YIPF4: variants seen among roughly 807,000 people sequenced by gnomAD.
The protein encoded by YIPF4 is protein YIPF4.
YIPF4 carries 18 observed loss-of-function variants against 29.4 expected under a neutral mutation model. That is an observed-to-expected ratio of 0.61 (90% CI 0.42 to 0.91). The LOEUF is 0.91. Among genes scored for constraint, YIPF4 ranks in the 40% least tolerant of loss-of-function variants. The pLI, the probability that YIPF4 is intolerant of heterozygous loss-of-function variation, is 0.00. For missense variants in YIPF4, 279 were observed against 282.7 expected (o/e 0.99, Z 0.09); for synonymous variants, 115 against 104.7 (o/e 1.10, Z -0.60).
Position 32,311,268 on chromosome 2 carries a change from G to A in YIPF4, c.*5642G>A, listed in dbSNP as rs938282176. 2.0e-5 allele frequency: 3 copies of A among 152,122 alleles called. No homozygotes were observed. Among genetic ancestry groups the A allele is most frequent in the Admixed American group, 6.6e-5 (1 of 15,266 alleles). The allele number at this position is 152,122 out of a possible 1,614,324, so 9.4% of individuals were successfully genotyped here. ...AAACCATGTCTTTCTGGGTTGTAGT[G>A]ATTAAAAAATGGTTAAGAGAATGTT... On this transcript the variant is annotated 3_prime_UTR_variant, in exon 6 of 6. Coordinates refer to ENST00000238831, the MANE Select transcript of YIPF4 (RefSeq NM_032312.4).
rs755619019 is a variant in YIPF4, at chr2:32,305,663, A to G, written c.*37A>G. On this transcript the variant is annotated 3_prime_UTR_variant, in exon 6 of 6. Transcript: ENST00000238831. ...CATGAATAGAAAAAGATGGTGTTAA[A>G]TTTGTGTGTAGGCTGGGAATTCTTG... is the stretch of plus-strand genomic sequence containing the variant. 7 of 1,455,920 alleles carry G rather than the reference A, an allele frequency of 4.8e-6. No individual in the cohort carries two copies. In the Admixed American group the frequency reaches 1.1e-4, roughly 24 times the overall value. The allele number at this position is 1,455,920 out of a possible 1,614,324, so 90.2% of individuals were successfully genotyped here.
Position 32,290,487 on chromosome 2 carries a change from C to T in YIPF4, c.84C>T (p.Leu28=), listed in dbSNP as rs778454657. The T allele has an allele frequency of 6.5e-6, 10 of 1,534,524 alleles. No individual in the cohort carries two copies. The highest frequency in any genetic ancestry group is 8.8e-6 in the Non-Finnish European group (10 of 1,141,696). ...TFVSSADAED[L]SGSIASPDVK... ...TTTATCCTCTTTTCTCCTAAGATCT[C>T]AGTGGTTCAATAGCATCCCCAGATG... Residue 28 remains leucine (L), a synonymous_variant, in exon 2 of 6, where the codon CTC becomes CTT. Coordinates refer to ENST00000238831, the MANE Select transcript of YIPF4 (RefSeq NM_032312.4).
intron 1 of YIPF4, among the ~76,000 whole-genome samples, chr2:32,281,424 T>C (rs2030409003): frequency 6.6e-6 from 1 of 152,108 alleles, no homozygotes; most frequent in African/African-American, 2.4e-5. Context: ...GTATTTTTTG[T>C]AGAGACAGGG....
rs1345446101 is a variant in YIPF4, at chr2:32,307,970, G to A, written c.*2344G>A. 7.0e-6 allele frequency: 1 copy of A among 142,768 alleles called. No individual in the cohort carries two copies. Among genetic ancestry groups the A allele is most frequent in the African/African-American group, 2.6e-5 (1 of 38,926 alleles). The allele number at this position is 142,768 out of a possible 1,614,324, so 8.8% of individuals were successfully genotyped here. A position where few individuals can be genotyped will look rare whatever the true frequency, so the allele number is the denominator to read the frequency against. ...AAAAAAAAAACCATGATTTGTAGAT[G>A]TGTGCAAGACACAGTACTGCTATGG... On this transcript the variant is annotated 3_prime_UTR_variant, in exon 6 of 6. Coordinates refer to ENST00000238831, the MANE Select transcript of YIPF4 (RefSeq NM_032312.4).
intron 5 of YIPF4, among the ~76,000 whole-genome samples, chr2:32,305,027 TAG>T: frequency 6.6e-6 from 1 of 152,154 alleles, no homozygotes; most frequent in East Asian, 1.9e-4. Flanking sequence ...TTTTCTTATT[TAG>T]AAGGAAAAGG....
rs2031627636 is a variant in YIPF4 at position 32,307,926 on chromosome 2, CTCA to C, written c.*2301_*2303del. On this transcript the variant is annotated 3_prime_UTR_variant, in exon 6 of 6. Transcript: ENST00000238831. ...AGCCTGGGTAACAGAGCAAGACTCTCTCAAAAAAAAAAAAAAAAAAAAAAAAAA... is the reference window on the plus strand; with the variant it reads ...AGCCTGGGTAACAGAGCAAGACTCTCAAAAAAAAAAAAAAAAAAAAAAAAA... 1.8e-5 allele frequency: 1 copy of C among 54,164 alleles called. No homozygotes were observed. The highest frequency in any genetic ancestry group is 3.1e-5 in the Non-Finnish European group (1 of 32,284). The allele number at this position is 54,164 out of a possible 1,614,324, so 3.4% of individuals were successfully genotyped here. A position where few individuals can be genotyped will look rare whatever the true frequency, so the allele number is the denominator to read the frequency against.
chr2:32,309,681 C>CTTTTT lies in YIPF4; in HGVS notation c.*4076_*4080dup, dbSNP rs200229465. ...TTTTAGGCTTTAGGGAATTGTGACC[C>CTTTTT]TTTTTTTTTTTTTTTTTTTTTTTTT... On this transcript the variant is annotated 3_prime_UTR_variant, in exon 6 of 6. Transcript: ENST00000238831. 1.7e-4 allele frequency: 20 copies of CTTTTT among 116,268 alleles called. No individual in the cohort carries two copies. Among genetic ancestry groups the CTTTTT allele is most frequent in the African/African-American group, 3.5e-4 (10 of 28,824 alleles). 7.2% of individuals were successfully genotyped at this position (116,268 alleles called of 1,614,324 possible).
At chr2:32,302,961 G>A (rs1036237516) in intron 5 of YIPF4, among the ~76,000 whole-genome samples, 1 of 151,938 alleles carries the variant, frequency 6.6e-6, no homozygotes, top group Non-Finnish European at 1.5e-5. Context: ...CCCTGGTTCT[G>A]CCACTTACTT....
chr2:32,284,497 A>T (rs2030568590), intron 1 of YIPF4, among the ~76,000 whole-genome samples: 1 of 152,034 alleles, frequency 6.6e-6, no homozygotes, highest in Non-Finnish European at 1.5e-5. Context: ...CTGGTTTTTT[A>T]AAAGGGTGTA....
At chr2:32,296,957 G>A (rs1036997959) in intron 3 of YIPF4, among the ~76,000 whole-genome samples, 1 of 151,794 alleles carries the variant, frequency 6.6e-6, no homozygotes, top group Non-Finnish European at 1.5e-5. Flanking sequence ...TTATTTCATC[G>A]CTCAGATTTT....
intron 1 of YIPF4, among the ~76,000 whole-genome samples, chr2:32,283,784 C>A (rs1294252498): frequency 6.6e-6 from 1 of 150,886 alleles, no homozygotes; most frequent in Non-Finnish European, 1.5e-5. Context: ...ATGGCGCAAT[C>A]TTGGCTCATT....
Position 32,297,646 on chromosome 2 carries a change from G to A in YIPF4, c.406-588G>A, listed in dbSNP as rs535995127. On this transcript the variant is annotated intron_variant, in intron 3 of 5. Coordinates refer to ENST00000238831, the MANE Select transcript of YIPF4 (RefSeq NM_032312.4). ...TGACCAAATAACATAGCAAGACCTC[G>A]TCTCTATTAAATAAATACATAAATA... Among the ~76,000 whole-genome samples, 7 of 151,688 alleles carry A rather than the reference G, an allele frequency of 4.6e-5. No homozygotes were observed. The East Asian group carries it at 7.8e-4, about 17-fold the overall frequency.
At chr2:32,300,198 G>A (rs768376436) in intron 4 of YIPF4, among the ~76,000 whole-genome samples, 1 of 152,118 alleles carries the variant, frequency 6.6e-6, no homozygotes, top group Non-Finnish European at 1.5e-5. Flanking sequence ...CCCGGGAGGC[G>A]GAGGTTGTGG....
In YIPF4 at chr2:32,309,273, A is replaced by G. The variant is rs1164919674; in HGVS notation, c.*3647A>G. Reference sequence around the variant, plus strand: ...AAGAACATTTTTGAGTGCCGATGTGACACTTTAAAGGAAATGTTCATTGGA... The same window carrying G: ...AAGAACATTTTTGAGTGCCGATGTGGCACTTTAAAGGAAATGTTCATTGGA... On this transcript the variant is annotated 3_prime_UTR_variant, in exon 6 of 6. Coordinates refer to ENST00000238831, the MANE Select transcript of YIPF4 (RefSeq NM_032312.4). 3 of 152,134 alleles carry G rather than the reference A, an allele frequency of 2.0e-5. No individual in the cohort carries two copies. The highest frequency in any genetic ancestry group is 2.9e-5 in the Non-Finnish European group (2 of 68,020). 9.4% of individuals were successfully genotyped at this position (152,134 alleles called of 1,614,324 possible).
At chr2:32,278,535 C>G (rs1014242672) in intron 1 of YIPF4, among the ~76,000 whole-genome samples, 7 of 152,092 alleles carry the variant, frequency 4.6e-5, no homozygotes, top group Admixed American at 3.9e-4. Flanking sequence ...AAATCCTAAG[C>G]TTTTAGTTCT....
intron 3 of YIPF4, among the ~76,000 whole-genome samples, chr2:32,297,798 C>T (rs1310221788): frequency 6.6e-6 from 1 of 152,096 alleles, no homozygotes; most frequent in African/African-American, 2.4e-5. Flanking sequence ...TATTGTTACA[C>T]CAAGTTTGAG....
At chr2:32,282,911 C>T (rs1239288137) in intron 1 of YIPF4, among the ~76,000 whole-genome samples, 1 of 151,746 alleles carries the variant, frequency 6.6e-6, no homozygotes, top group African/African-American at 2.4e-5. Context: ...CCAGTCTCTA[C>T]TAAAAATACA....
chr2:32,290,747 A>G (rs1221416414), intron 2 of YIPF4, 111 bp downstream of exon 2: 10 of 661,372 alleles, frequency 1.5e-5, no homozygotes, highest in Non-Finnish European at 2.1e-5. Context: ...GTCAAAAGCT[A>G]TAGTGATTGT....
chr2:32,282,266 A>G (rs1187658157), intron 1 of YIPF4, among the ~76,000 whole-genome samples: 1 of 152,112 alleles, frequency 6.6e-6, no homozygotes, highest in Non-Finnish European at 1.5e-5. Context: ...CCCCATCTCA[A>G]AAAAACAAAA....
Sources: gnomAD v4.1 joint callset for allele counts (sites outside exome capture counted in the v4.1 genomes callset) on GRCh38, gnomAD v4.1.1 for gene constraint, MANE v1.5 for transcripts, NCBI Gene and HGNC (gene_info 2026-07-23, HGNC 2026-07-21) for gene names.